PLXND1: variants seen among roughly 807,000 people sequenced by gnomAD.
The protein encoded by PLXND1 is plexin D1.
A neutral mutation model predicts 197.7 loss-of-function variants in PLXND1; 54 were observed. That is an observed-to-expected ratio of 0.27 (90% confidence interval 0.22 to 0.34). The LOEUF is 0.34. Ranked by LOEUF, PLXND1 falls within the 10% of genes least tolerant of loss-of-function variation. The probability of loss-of-function intolerance (pLI) is 1.00; values close to 1 mark genes in which losing one functional copy is unlikely to be tolerated. For synonymous variants in PLXND1, 1,180 were observed against 1,161.2 expected (o/e 1.02, Z -0.33); for missense variants, 2,127 against 2,699.2 (o/e 0.79, Z 4.70).
chr3:129,575,325 GAT>G, intron 11 of PLXND1, 142 bp downstream of exon 11: 1 of 626,962 alleles, frequency 1.6e-6, no homozygotes, highest in Non-Finnish European at 2.9e-6. Context: ...GCAGGGCTGG[GAT>G]ATGAGGCTGT....
chr3:129,584,846 G>A (rs2085437486), intron 5 of PLXND1, among the ~76,000 whole-genome samples: 1 of 152,166 alleles, frequency 6.6e-6, no homozygotes, highest in Non-Finnish European at 1.5e-5. Flanking sequence ...CTCCGAAACA[G>A]CTGATCTTGT....
chr3:129,583,549 C>G lies in PLXND1; in HGVS notation c.2241+18G>C. On this transcript the variant is annotated intron_variant, in intron 8 of 35. Coordinates refer to ENST00000324093, the MANE Select transcript of PLXND1 (RefSeq NM_015103.3). ...TAATGAAACAGCAGAGGCGGAGGGG[C>G]CCCCTAGCCTGGCTTACCGTGGGGT... 6.4e-7 allele frequency: 1 copy of G among 1,551,640 alleles called. No individual in the cohort carries two copies. Among genetic ancestry groups the G allele is most frequent in the Non-Finnish European group, 8.9e-7 (1 of 1,128,196 alleles).
intron 20 of PLXND1, 73 bp from the exon 21 acceptor site, chr3:129,567,878 T>C: frequency 1.3e-6 from 1 of 774,276 alleles, no homozygotes; most frequent in Non-Finnish European, 2.1e-6. Context: ...TGCTGTATTC[T>C]GGCCTCCGCT....
Position 129,561,639 on chromosome 3 carries a change from G to C in PLXND1, c.4993+7C>G. 6.3e-7 allele frequency: 1 copy of C among 1,599,144 alleles called. No homozygotes were observed. The highest frequency in any genetic ancestry group is 8.5e-7 in the Non-Finnish European group (1 of 1,170,876). On this transcript the variant is annotated splice_region_variant and intron_variant, in intron 29 of 35. Transcript: ENST00000324093. ...CTGGGCTCCCTTCCCACGTGCACCC[G>C]CACTACCTCGGCCCAGTGTGTTGTC...
At chr3:129,589,307 G>GCCGGGGGCCCC in intron 2 of PLXND1, 44 bp downstream of exon 2, 4 of 684,690 alleles carry the variant, frequency 5.8e-6, no homozygotes, top group Admixed American at 2.3e-5. Flanking sequence ...TCCCAGGGGA[G>GCCGGGGGCCCC]CCTCCCACCC....
At position 129,571,004 on chromosome 3, in the gene PLXND1, C is replaced by T. The variant is rs768979178; in HGVS notation, c.3600+36G>A. ...GAGGCCCACAGCTGAGGCTGGCTCG[C>T]TTGCCCCCGCCTACCCCGGCCCCTT... is the stretch of plus-strand genomic sequence containing the variant. On this transcript the variant is annotated intron_variant, in intron 18 of 35. Coordinates refer to ENST00000324093, the MANE Select transcript of PLXND1 (RefSeq NM_015103.3). 8.2e-5 allele frequency: 133 copies of T among 1,612,946 alleles called. 1 individual carries two copies. In the East Asian group the frequency reaches 2.9e-3, roughly 35 times the overall value.
At position 129,557,336 on chromosome 3, in the gene PLXND1, C is replaced by T. The variant is rs974454013; in HGVS notation, c.5446-113G>A. On this transcript the variant is annotated intron_variant, in intron 33 of 35. Coordinates refer to ENST00000324093, the MANE Select transcript of PLXND1 (RefSeq NM_015103.3). This position sits in a 1 kb window ranked among gnomAD's most constrained non-coding sequence, Gnocchi z 4.8. ...CACATAAGTGACCTTAGCAGGCCCC[C>T]GAGGCCCAAAGAGTCTCACCCGGTC... 52 of 1,225,966 alleles carry T rather than the reference C, an allele frequency of 4.2e-5. No individual in the cohort carries two copies. Among genetic ancestry groups the T allele is most frequent in the African/African-American group, 3.3e-4 (22 of 66,442 alleles). The allele number at this position is 1,225,966 out of a possible 1,614,324, so 75.9% of individuals were successfully genotyped here. A position where few individuals can be genotyped will look rare whatever the true frequency, so the allele number is the denominator to read the frequency against.
At chr3:129,598,509 G>A (rs28510853) in intron 1 of PLXND1, among the ~76,000 whole-genome samples, 18,495 of 152,086 alleles carry the variant, frequency 0.12, 1,376 homozygotes, top group East Asian at 0.38. Context: ...TGGTATGTGT[G>A]GGTGGAGACA....
chr3:129,562,459 G>A (rs1241512567), intron 27 of PLXND1: 3 of 270,226 alleles, frequency 1.1e-5, no homozygotes, highest in Non-Finnish European at 1.4e-5. Flanking sequence ...GCAGTGAGCT[G>A]AGATTGCGCC....
chr3:129,588,339 C>T (rs2085489071), intron 2 of PLXND1, among the ~76,000 whole-genome samples: 1 of 152,006 alleles, frequency 6.6e-6, no homozygotes, highest in South Asian at 2.1e-4. Context: ...CGCCTAACAA[C>T]TGCAGCCTCA....
chr3:129,597,585 C>A (rs558265676), intron 1 of PLXND1, among the ~76,000 whole-genome samples: 1 of 152,256 alleles, frequency 6.6e-6, no homozygotes, highest in African/African-American at 2.4e-5. Context: ...CTTCCCTCCC[C>A]CTCCAGCGCA....
intron 27 of PLXND1, chr3:129,562,348 AC>A (rs2085074175): frequency 8.6e-6 from 2 of 233,190 alleles, no homozygotes; most frequent in East Asian, 2.0e-4. Context: ...CACTATCTTT[AC>A]AAAAAGTAAA....
intron 9 of PLXND1, among the ~76,000 whole-genome samples, chr3:129,576,418 C>T (rs1422755782): frequency 2.0e-5 from 3 of 152,228 alleles, no homozygotes; most frequent in African/African-American, 7.2e-5. Context: ...AGGGGTGTGC[C>T]TCACTTGATC....
Position 129,557,177 on chromosome 3 carries a change from T to A in PLXND1, c.5492A>T (p.Tyr1831Phe). The A allele has an allele frequency of 6.2e-7, 1 of 1,614,020 alleles. No homozygotes were observed. Among genetic ancestry groups the A allele is most frequent in the Non-Finnish European group, 8.5e-7 (1 of 1,179,946 alleles). ...GTAGTAGCGCTGCACGATCTTCCGGTACTCAGGAATCTCCTTGGCGTAGAG... is the reference window on the plus strand; with the variant it reads ...GTAGTAGCGCTGCACGATCTTCCGGAACTCAGGAATCTCCTTGGCGTAGAG... ...KLLYAKEIPE[Y>F]RKIVQRYYKQ... is the part of the protein sequence containing the mutation. Residue 1831 changes from tyrosine to phenylalanine, a missense_variant, in exon 34 of 36, where the codon TAC becomes TTC. Tyr to Phe is a conservative substitution (Grantham distance 22). This residue lies in a region of PLXND1 where 200 missense variants were observed against 303.3 expected (regional missense o/e 0.66). Transcript: ENST00000324093. The surrounding 1 kb of genome is among the most constrained non-coding windows in gnomAD (Gnocchi z 4.8).
chr3:129,555,494 G>A lies in PLXND1; in HGVS notation c.*818C>T. 1.5e-6 allele frequency: 1 copy of A among 679,568 alleles called. No homozygotes were observed. The highest frequency in any genetic ancestry group is 2.6e-6 in the Non-Finnish European group (1 of 379,274). The allele number at this position is 679,568 out of a possible 1,614,324, so 42.1% of individuals were successfully genotyped here. ...ACCCCTCCCCGGGTCCTCTGCGCAAGCGGCAGCTATTCACAGTTGGTGCAT... is the reference window on the plus strand; with the variant it reads ...ACCCCTCCCCGGGTCCTCTGCGCAAACGGCAGCTATTCACAGTTGGTGCAT... On this transcript the variant is annotated 3_prime_UTR_variant, in exon 36 of 36. Coordinates refer to ENST00000324093, the MANE Select transcript of PLXND1 (RefSeq NM_015103.3).
At chr3:129,589,307 G>GCCGGCCCCCCC in intron 2 of PLXND1, 44 bp downstream of exon 2, 9 of 684,688 alleles carry the variant, frequency 1.3e-5, no homozygotes, top group Admixed American at 2.3e-5. Context: ...TCCCAGGGGA[G>GCCGGCCCCCCC]CCTCCCACCC....
At position 129,556,164 on chromosome 3, in the gene PLXND1, AG is replaced by A. The variant is rs2084970077; in HGVS notation, c.*147del. On this transcript the variant is annotated 3_prime_UTR_variant, in exon 36 of 36. Coordinates refer to ENST00000324093, the MANE Select transcript of PLXND1 (RefSeq NM_015103.3). Reference sequence around the variant, plus strand: ...GTCAAGGCGGGGGCGCCCCTGTCTCAGAGAGCAGCCCCTCCTCCTGCCCCCG... The same window carrying A: ...GTCAAGGCGGGGGCGCCCCTGTCTCAAGAGCAGCCCCTCCTCCTGCCCCCG... 1.5e-6 allele frequency: 1 copy of A among 668,688 alleles called. No homozygotes were observed. The highest frequency in any genetic ancestry group is 2.3e-5 in the Admixed American group (1 of 43,322). The allele number at this position is 668,688 out of a possible 1,614,324, so 41.4% of individuals were successfully genotyped here. A position where few individuals can be genotyped will look rare whatever the true frequency, so the allele number is the denominator to read the frequency against.
intron 1 of PLXND1, among the ~76,000 whole-genome samples, chr3:129,601,914 C>T (rs2626004): frequency 0.88 from 134,413 of 152,200 alleles, 59,542 homozygotes; most frequent in Non-Finnish European, 0.91. Flanking sequence ...ATCTGGCACC[C>T]ACCACAGAGC....
intron 1 of PLXND1, among the ~76,000 whole-genome samples, chr3:129,600,799 G>A (rs960551779): frequency 1.1e-4 from 17 of 151,522 alleles, no homozygotes; most frequent in African/African-American, 2.4e-5. Flanking sequence ...CTCTCCCTCC[G>A]CCCCCACCTG....
Sources: allele counts gnomAD v4.1 joint callset (sites outside exome capture counted in the v4.1 genomes callset), GRCh38; gene constraint gnomAD v4.1.1; regional missense constraint gnomAD v4.1.1; non-coding constraint Gnocchi (gnomAD v3.1); transcripts MANE v1.5; gene names NCBI Gene and HGNC (gene_info 2026-07-23, HGNC 2026-07-21).